The following CLTCL1 variants were observed in gnomAD, a reference collection of about 807,000 sequenced individuals.
CLTCL1 encodes clathrin heavy chain like 1, also known as clathrin heavy chain 2.
A neutral mutation model predicts 190.0 loss-of-function variants in CLTCL1; 159 were observed. The observed-to-expected ratio is 0.84, with a 90% confidence interval of 0.74 to 0.95. CLTCL1 has a LOEUF of 0.95. Ranked by LOEUF, CLTCL1 falls within the 40% of genes least tolerant of loss-of-function variation. The pLI is 0.00. For missense variants in CLTCL1, 1,878 were observed against 2,033.4 expected, an observed-to-expected ratio of 0.92 and a Z score of 1.47; for synonymous variants, 752 against 769.6, an observed-to-expected ratio of 0.98 and a Z score of 0.38.
At chr22:19,188,167 A>C in intron 27 of CLTCL1, 76 bp from the exon 28 acceptor site, 1 of 1,305,516 alleles carries the variant, frequency 7.7e-7, no homozygotes, top group South Asian at 1.2e-5. Flanking sequence ...ACAGGTGGGC[A>C]CGTGCGTGCC....
In CLTCL1 at chr22:19,225,538, C is replaced by G; in HGVS notation, c.2043G>C (p.Leu681=). ...LSANIRQNLQ[L]CVQVASKYHE... ...GGTACTTAGAGGCCACCTGCACACA[C>G]AGCTGAAGGTTCTGTCTGATGTTAG... Residue 681 remains leucine (L), a synonymous_variant, in exon 13 of 33, where the codon CTG becomes CTC. Coordinates refer to ENST00000427926, the MANE Select transcript of CLTCL1 (RefSeq NM_007098.4). 6.3e-7 allele frequency: 1 copy of G among 1,588,344 alleles called. No homozygotes were observed. Among genetic ancestry groups the G allele is most frequent in the Non-Finnish European group, 8.6e-7 (1 of 1,167,028 alleles).
chr22:19,191,156 C>G (rs1366625414), intron 27 of CLTCL1, 148 bp downstream of exon 27: 1 of 864,100 alleles, frequency 1.2e-6, no homozygotes, highest in Non-Finnish European at 1.8e-6. Context: ...ATTCCTGTAT[C>G]TGAAACCTAA....
Position 19,234,567 on chromosome 22 carries a change from G to C in CLTCL1, c.1109C>G (p.Thr370Ser). ...AGCATAGCTGCCCTGTGCAAAGAGG[G>C]TATTGAATTTTCTCACAAACAACTT... ...AEKLFVRKFNTLFAQGSYAEA... is the reference protein window; with the variant it reads ...AEKLFVRKFNSLFAQGSYAEA... The change falls in exon 7 of 33, where the codon ACC becomes AGC. Residue 370 changes from threonine (T) to serine (S), a missense_variant. Thr to Ser is a moderately conservative substitution (Grantham distance 58). Coordinates refer to ENST00000427926, the MANE Select transcript of CLTCL1 (RefSeq NM_007098.4). 6.2e-7 allele frequency: 1 copy of C among 1,614,014 alleles called. No individual in the cohort carries two copies. The highest frequency in any genetic ancestry group is 8.5e-7 in the Non-Finnish European group (1 of 1,179,896).
At chr22:19,221,038 T>C (rs2085551564) in intron 17 of CLTCL1, among the ~76,000 whole-genome samples, 1 of 152,086 alleles carries the variant, frequency 6.6e-6, no homozygotes, top group Non-Finnish European at 1.5e-5. Flanking sequence ...GCAAGATGGA[T>C]GGCTGATCAA....
intron 14 of CLTCL1, 96 bp downstream of exon 14, chr22:19,223,795 G>A (rs2074314780): frequency 6.8e-7 from 1 of 1,464,372 alleles, no homozygotes; most frequent in East Asian, 2.3e-5. Flanking sequence ...TGGCGAGACA[G>A]ATCCAGCTTC....
chr22:19,187,995 C>T lies in CLTCL1; in HGVS notation c.4420G>A (p.Glu1474Lys), dbSNP rs1137474. The change falls in exon 28 of 33, where the codon GAG becomes AAG. Residue 1474 changes from glutamate (E) to lysine (K), a missense_variant. Transcript: ENST00000427926. The part of the protein sequence containing the change: ...NEALNHLLTE[E>K]EDYQGLRASI... ...TGCACACCCACCTGATAGTCCTCCT[C>T]CTCTGTCAGCAGGTGGTTGAGTGCC... The T allele has an allele frequency of 3.7e-6, 6 of 1,613,834 alleles. No individual in the cohort carries two copies. The Admixed American group carries it at 6.7e-5, about 18-fold the overall frequency.
intron 2 of CLTCL1, among the ~76,000 whole-genome samples, chr22:19,259,553 A>G (rs1555974521): frequency 2.0e-5 from 3 of 152,104 alleles, no homozygotes; most frequent in Non-Finnish European, 4.4e-5. Flanking sequence ...TCATTATTAT[A>G]TTTGTTATAC....
Position 19,221,602 on chromosome 22 carries a change from C to CCTTTG in CLTCL1, c.2570_2571insCAAAG (p.Leu858LysfsTer39). On this transcript the variant is annotated frameshift_variant, in exon 17 of 33. Transcript: ENST00000427926. LOFTEE classifies it high-confidence loss of function. Reference sequence around the variant, plus strand: ...TCTGGGACTCCAGCCAGGGAAGCAGCAGCTTGAGCCTTTGAAAGAAGGAAG... The same window carrying CCTTTG: ...TCTGGGACTCCAGCCAGGGAAGCAGCCTTTGAGCTTGAGCCTTTGAAAGAAGGAAG... The CCTTTG allele has an allele frequency of 6.3e-7, 1 of 1,583,188 alleles. No individual in the cohort carries two copies.
Position 19,201,265 on chromosome 22 carries a change from G to A in CLTCL1, c.3765+64C>T, listed in dbSNP as rs1035549175. ...CACCCAGAAGAGTACCGAGCAGAAC[G>A]CAAAGGACACGGAGAGCGTGCCTGT... On this transcript the variant is annotated intron_variant, in intron 23 of 32. Coordinates refer to ENST00000427926, the MANE Select transcript of CLTCL1 (RefSeq NM_007098.4). 55 of 1,520,398 alleles carry A rather than the reference G, an allele frequency of 3.6e-5. No homozygotes were observed. The East Asian group carries it at 5.4e-4, about 15-fold the overall frequency. 94.2% of individuals were successfully genotyped at this position (1,520,398 alleles called of 1,614,324 possible). A position where few individuals can be genotyped will look rare whatever the true frequency, so the allele number is the denominator to read the frequency against.
chr22:19,208,795 A>G (rs782631058), intron 21 of CLTCL1, 127 bp downstream of exon 21: 42 of 755,670 alleles, frequency 5.6e-5, no homozygotes, highest in Non-Finnish European at 8.4e-5. Flanking sequence ...ACTTTCATGT[A>G]GATGTGCCCT....
rs2084709864 is a variant in CLTCL1, at chr22:19,196,471, G to T, written c.4041+18C>A. On this transcript the variant is annotated intron_variant, in intron 25 of 32. Transcript: ENST00000427926. ...TGCACGTGGCCACGGCTGCCAGACT[G>T]CAAGGAGTACACGGTACCTTTGGGA... 1.9e-6 allele frequency: 3 copies of T among 1,613,982 alleles called. No individual in the cohort carries two copies. The highest frequency in any genetic ancestry group is 2.5e-6 in the Non-Finnish European group (3 of 1,179,828).
chr22:19,221,839 A>G, intron 16 of CLTCL1, 112 bp downstream of exon 16: 1 of 1,217,088 alleles, frequency 8.2e-7, no homozygotes, highest in East Asian at 2.4e-5. Flanking sequence ...GCTACATCTA[A>G]GATGTGTACA....
chr22:19,200,567 G>A (rs812660), intron 23 of CLTCL1, among the ~76,000 whole-genome samples: 8,982 of 152,302 alleles, frequency 0.059, 331 homozygotes, highest in Middle Eastern at 0.16. Flanking sequence ...TTGGCCGGGC[G>A]CAGTGGCTCA....
At chr22:19,227,532 G>A (rs1374179620) in intron 11 of CLTCL1, among the ~76,000 whole-genome samples, 6 of 147,502 alleles carry the variant, frequency 4.1e-5, no homozygotes, top group Non-Finnish European at 8.9e-5. Flanking sequence ...CCTGCTCACT[G>A]CAACCTCCGT....
intron 1 of CLTCL1, among the ~76,000 whole-genome samples, chr22:19,282,607 C>T (rs1486755909): frequency 2.1e-5 from 3 of 145,642 alleles, no homozygotes; most frequent in Non-Finnish European, 3.0e-5. Context: ...CCAGCCTGGG[C>T]GACAGAGCGA....
chr22:19,254,225 C>T lies in CLTCL1; in HGVS notation c.253G>A (p.Gly85Arg). The change falls in exon 3 of 33, where the codon GGG becomes AGG. Residue 85 changes from glycine (G) to arginine (R), a missense_variant and splice_region_variant. By Grantham distance (125) the Gly-to-Arg change is moderately radical (BLOSUM62 -2). Coordinates refer to ENST00000427926, the MANE Select transcript of CLTCL1 (RefSeq NM_007098.4). ...ATATTAAAGATCTGAAGTGTCTTCC[C>T]AGCTAGTATTTGATATAATAGAGAT... ...PASKVIALKA[G>R]KTLQIFNIEM... The T allele has an allele frequency of 6.2e-7, 1 of 1,608,842 alleles. No individual in the cohort carries two copies. Among genetic ancestry groups the T allele is most frequent in the Non-Finnish European group, 8.5e-7 (1 of 1,175,618 alleles).
chr22:19,287,777 A>G (rs927721260), intron 1 of CLTCL1, among the ~76,000 whole-genome samples: 1 of 151,676 alleles, frequency 6.6e-6, no homozygotes, highest in African/African-American at 2.4e-5. Flanking sequence ...CTGGCTGGAC[A>G]CTGGACAAGA....
At chr22:19,271,058 G>T (rs1185534800) in intron 2 of CLTCL1, among the ~76,000 whole-genome samples, 6 of 151,942 alleles carry the variant, frequency 3.9e-5, no homozygotes, top group Non-Finnish European at 8.8e-5. Flanking sequence ...GGTGAGGAGG[G>T]GGCCTCCAGG....
intron 2 of CLTCL1, among the ~76,000 whole-genome samples, chr22:19,262,141 T>C (rs1012890368): frequency 6.6e-6 from 1 of 151,916 alleles, no homozygotes; most frequent in African/African-American, 2.4e-5. Context: ...TTCTCCTGCC[T>C]CAGCCTCCCA....
Sources: gnomAD v4.1 joint callset for allele counts (sites outside exome capture counted in the v4.1 genomes callset) on GRCh38, gnomAD v4.1.1 for gene constraint, MANE v1.5 for transcripts, NCBI Gene and HGNC (gene_info 2026-07-23, HGNC 2026-07-21) for gene names.